The following NBR1 variants were observed in gnomAD, a reference collection of about 807,000 sequenced individuals.
NBR1 encodes NBR1 autophagy cargo receptor.
In NBR1, 59 loss-of-function variants were observed where a neutral mutation model predicts 115.5. That is an observed-to-expected ratio of 0.51 (90% CI 0.41 to 0.63). NBR1 has a LOEUF of 0.63. Among genes scored for constraint, NBR1 ranks in the 30% least tolerant of loss-of-function variants. The probability of loss-of-function intolerance (pLI) is 0.00; values close to 1 mark genes in which losing one functional copy is unlikely to be tolerated. For synonymous variants in NBR1, 373 were observed against 414.7 expected (o/e 0.90, Z 1.22); for missense variants, 1,043 against 1,150.5 (o/e 0.91, Z 1.35).
In NBR1 at chr17:43,193,223, A is replaced by C. The variant is rs1271054561; in HGVS notation, c.1203A>C (p.Thr401=). 5.0e-6 allele frequency: 8 copies of C among 1,613,994 alleles called. No homozygotes were observed. The highest frequency in any genetic ancestry group is 6.8e-6 in the Non-Finnish European group (8 of 1,179,880). ...TCAAACACTGGAGGATGAAAAATAC[A>C]GGAAATGTAAAGTGGAGTGCAGACA... ...KFIKHWRMKN[T]GNVKWSADTK... Residue 401 remains threonine, a synonymous_variant, in exon 11 of 21, where the codon ACA becomes ACC. Coordinates refer to ENST00000590996, the MANE Select transcript of NBR1 (RefSeq NM_005899.5).
At position 43,202,656 on chromosome 17, in the gene NBR1, G is replaced by A; in HGVS notation, c.2565G>A (p.Glu855=). ...AACCAACAGCTCTTTTGCTTTTAGAGCCCAGAGGCTCATCAGGACTTGTAA... is the reference window on the plus strand; with the variant it reads ...AACCAACAGCTCTTTTGCTTTTAGAACCCAGAGGCTCATCAGGACTTGTAA... The part of the protein sequence containing the change: ...VSSVPDQIRG[E]PRGSSGLVNS... Residue 855 remains glutamate, a splice_region_variant and synonymous_variant, in exon 19 of 21, where the codon GAG becomes GAA. Coordinates refer to ENST00000590996, the MANE Select transcript of NBR1 (RefSeq NM_005899.5). The A allele has an allele frequency of 1.3e-6, 2 of 1,572,464 alleles. No homozygotes were observed. Among genetic ancestry groups the A allele is most frequent in the African/African-American group, 1.3e-5 (1 of 74,356 alleles).
At chr17:43,175,633 G>C (rs200518308) in intron 1 of NBR1, among the ~76,000 whole-genome samples, 158 bp from the exon 2 acceptor site, 10 of 148,042 alleles carry the variant, frequency 6.8e-5, no homozygotes, top group Non-Finnish European at 1.2e-4. Flanking sequence ...GGTAAGTTTC[G>C]TAAGAACAGG....
rs1392447611 is a variant in NBR1 at position 43,191,535 on chromosome 17, T to C, written c.1027T>C (p.Ser343Pro). 1.2e-6 allele frequency: 2 copies of C among 1,613,242 alleles called. No homozygotes were observed. Among genetic ancestry groups the C allele is most frequent in the Admixed American group, 1.7e-5 (1 of 59,894 alleles). ...AATCCATGGACTCCAGAGCCCCAAGTCTCCTTTAGGCCGACCTGAGAGCTT... is the reference window on the plus strand; with the variant it reads ...AATCCATGGACTCCAGAGCCCCAAGCCTCCTTTAGGCCGACCTGAGAGCTT... ...NSIHGLQSPK[S>P]PLGRPESLLQ... The change falls in exon 10 of 21, where the codon TCT (serine) becomes CCT (proline). Residue 343 changes from serine to proline, a missense_variant. Transcript: ENST00000590996.
intron 5 of NBR1, 97 bp from the exon 6 acceptor site, chr17:43,186,153 A>G: frequency 2.8e-6 from 3 of 1,061,466 alleles, no homozygotes; most frequent in Non-Finnish European, 4.0e-6. Flanking sequence ...ATTTTCTAGC[A>G]TAACTTACCA....
At position 43,200,253 on chromosome 17, in the gene NBR1, G is replaced by A. The variant is rs1467600146; in HGVS notation, c.2113G>A (p.Glu705Lys). ...IAEEEAVMEE[E>K]EDEEDEEEED... ...TGAGGAAGAAGCTGTCATGGAGGAG[G>A]AGGAGGATGAGGAGGATGAGGAGGA... The change falls in exon 17 of 21, where the codon GAG (glutamate) becomes AAG (lysine). Residue 705 changes from glutamate to lysine, a missense_variant. Coordinates refer to ENST00000590996, the MANE Select transcript of NBR1 (RefSeq NM_005899.5). The A allele has an allele frequency of 2.6e-6, 4 of 1,548,902 alleles. No individual in the cohort carries two copies. The highest frequency in any genetic ancestry group is 2.4e-5 in the East Asian group (1 of 40,934).
upstream of NBR1, chr17:43,171,171 TC>T (rs1438709684): frequency 4.6e-5 from 7 of 152,654 alleles, no homozygotes. Flanking sequence ...TGGCGAACAC[TC>T]GGAGAAACAG....
At chr17:43,180,903 G>A in intron 5 of NBR1, 86 bp downstream of exon 5, 2 of 1,196,084 alleles carry the variant, frequency 1.7e-6, no homozygotes, top group Non-Finnish European at 2.1e-6. Context: ...ATGAGGTTGT[G>A]CTCTGTCATC....
rs34372250 is a variant in NBR1, at chr17:43,196,947, A to C, written c.1867A>C (p.Met623Leu). 23 of 1,613,954 alleles carry C rather than the reference A, an allele frequency of 1.4e-5. No individual in the cohort carries two copies. The highest frequency in any genetic ancestry group is 1.9e-5 in the Non-Finnish European group (23 of 1,179,866). ...GAGFKALPDS[M>L]VSVKRKAENI... The stretch of plus-strand genomic sequence containing the variant: ...AAGGTTCGTGTGTCTTTCAGATTCT[A>C]TGGTGTCAGTAAAGAGGAAGGCTGA... The change falls in exon 16 of 21, where the codon ATG (methionine) becomes CTG (leucine). Residue 623 changes from methionine to leucine, a missense_variant. Transcript: ENST00000590996.
At chr17:43,172,126 C>G (rs1357225676) in intron 1 of NBR1, among the ~76,000 whole-genome samples, 1 of 152,164 alleles carries the variant, frequency 6.6e-6, no homozygotes, top group Admixed American at 6.5e-5. Context: ...CATGGACTTA[C>G]AATAATGCCA....
intron 1 of NBR1, among the ~76,000 whole-genome samples, chr17:43,175,069 A>G (rs1360513178): frequency 1.3e-5 from 2 of 152,222 alleles, no homozygotes; most frequent in Non-Finnish European, 2.9e-5. Flanking sequence ...ACTGCACCCC[A>G]GCCTGGGGCG....
chr17:43,176,213 C>T (rs1567844190), intron 2 of NBR1: 2 of 219,750 alleles, frequency 9.1e-6, no homozygotes, highest in Non-Finnish European at 1.8e-5. Context: ...TGGACTCCAC[C>T]CAACCAGATC....
intron 1 of NBR1, among the ~76,000 whole-genome samples, chr17:43,171,611 C>T (rs544950232): frequency 1.3e-5 from 2 of 152,268 alleles, no homozygotes; most frequent in African/African-American, 4.8e-5. Flanking sequence ...GTGACACTGT[C>T]TTGGGAACAT....
At chr17:43,202,138 C>G (rs1281959035) in intron 18 of NBR1, among the ~76,000 whole-genome samples, 2 of 146,308 alleles carry the variant, frequency 1.4e-5, no homozygotes, top group African/African-American at 5.0e-5. Context: ...CGAGATCGCA[C>G]CATTGCTCTC....
chr17:43,179,319 G>T (rs1397462322), intron 3 of NBR1, 75 bp from the exon 4 acceptor site: 1 of 1,384,960 alleles, frequency 7.2e-7, no homozygotes, highest in African/African-American at 1.4e-5. Context: ...CTGTCCTATG[G>T]GGCTGGTCCT....
chr17:43,205,544 A>G (rs549021606), intron 20 of NBR1, among the ~76,000 whole-genome samples: 2 of 152,194 alleles, frequency 1.3e-5, no homozygotes, highest in African/African-American at 4.8e-5. Flanking sequence ...TGGAAATGTG[A>G]GCATGGAGTG....
chr17:43,203,015 G>A (rs1301708600), intron 19 of NBR1, among the ~76,000 whole-genome samples: 2 of 152,112 alleles, frequency 1.3e-5, no homozygotes, highest in Non-Finnish European at 2.9e-5. Flanking sequence ...AATTAGCCAG[G>A]CATGGTGGCG....
intron 20 of NBR1, among the ~76,000 whole-genome samples, chr17:43,205,522 G>A (rs1180328410): frequency 6.6e-6 from 1 of 152,050 alleles, no homozygotes. Context: ...AGTGTAGCCA[G>A]TAAAAAAGAC....
At position 43,191,962 on chromosome 17, in the gene NBR1, C is replaced by T. The variant is rs192146895; in HGVS notation, c.1073+381C>T. Among the ~76,000 whole-genome samples, 15 of 150,724 alleles carry T rather than the reference C, an allele frequency of 1.0e-4. No individual in the cohort carries two copies. In the East Asian group the frequency reaches 1.2e-3, roughly 12 times the overall value. ...GTCTCGATCTCTTGACCTCGTGATC[C>T]GCCCGCCTTGGACTCCCAAAGTGTT... On this transcript the variant is annotated intron_variant, in intron 10 of 20. Coordinates refer to ENST00000590996, the MANE Select transcript of NBR1 (RefSeq NM_005899.5).
Position 43,189,176 on chromosome 17 carries a change from G to C in NBR1, c.480+57G>C, listed in dbSNP as rs181492761. On this transcript the variant is annotated intron_variant, in intron 7 of 20. Transcript: ENST00000590996. Reference sequence around the variant, plus strand: ...GCGGTGTTGGCACAGGTGGAATGTGGAAGAAATAGAAAACTGAACCCAGGT... The same window carrying C: ...GCGGTGTTGGCACAGGTGGAATGTGCAAGAAATAGAAAACTGAACCCAGGT... The C allele has an allele frequency of 2.0e-5, 26 of 1,269,516 alleles. No individual in the cohort carries two copies. The Admixed American group carries it at 2.7e-4, about 13-fold the overall frequency. 78.6% of individuals were successfully genotyped at this position (1,269,516 alleles called of 1,614,324 possible).
Sources: gnomAD v4.1 joint callset for allele counts (sites outside exome capture counted in the v4.1 genomes callset) on GRCh38, gnomAD v4.1.1 for gene constraint, MANE v1.5 for transcripts, NCBI Gene and HGNC (gene_info 2026-07-23, HGNC 2026-07-21) for gene names.